CCSER1: variants seen among roughly 807,000 people sequenced by gnomAD.
CCSER1 encodes coiled-coil serine rich protein 1, also known as serine-rich coiled-coil domain-containing protein 1.
CCSER1 carries 41 observed loss-of-function variants against 82.0 expected under a neutral mutation model. That is an observed-to-expected ratio of 0.50 (90% CI 0.39 to 0.65). The LOEUF is 0.65. CCSER1 is among the 30% of genes least tolerant of loss of function. The pLI, the probability that CCSER1 is intolerant of heterozygous loss-of-function variation, is 0.00. For synonymous variants in CCSER1, 414 were observed against 383.9 expected, an observed-to-expected ratio of 1.08 and a Z score of -0.92; for missense variants, 1,119 against 1,064.2, an observed-to-expected ratio of 1.05 and a Z score of -0.72.
intron 10 of CCSER1, among the ~76,000 whole-genome samples, chr4:91,249,091 TC>T (rs992792187): frequency 2.0e-5 from 3 of 152,144 alleles, no homozygotes; most frequent in African/African-American, 7.2e-5. Flanking sequence ...ATCACATAAA[TC>T]AAGTAGAAAT....
At chr4:90,208,552 G>GA (rs920084770) in intron 1 of CCSER1, among the ~76,000 whole-genome samples, 2 of 151,542 alleles carry the variant, frequency 1.3e-5, no homozygotes, top group Non-Finnish European at 2.9e-5. Flanking sequence ...ACTGGGGTAT[G>GA]AAAAAAAACT....
intron 3 of CCSER1, among the ~76,000 whole-genome samples, chr4:90,320,266 T>G (rs1736899480): frequency 6.6e-6 from 1 of 152,206 alleles, no homozygotes; most frequent in Non-Finnish European, 1.5e-5. Context: ...TGATACATGT[T>G]TATATAGATG....
intron 8 of CCSER1, among the ~76,000 whole-genome samples, chr4:90,845,359 TAAAAAAAAAA>T (rs886923723): frequency 6.2e-5 from 6 of 96,586 alleles, no homozygotes; most frequent in Non-Finnish European, 1.2e-4. Context: ...AGACGCCATC[TAAAAAAAAAA>T]AAAAAAAAAA....
intron 10 of CCSER1, among the ~76,000 whole-genome samples, chr4:91,546,061 G>T (rs749696286): frequency 9.2e-5 from 14 of 151,366 alleles, no homozygotes; most frequent in Admixed American, 3.3e-4. Flanking sequence ...TTATTCTTTT[G>T]CCTGCTGGTA....
At chr4:90,200,372 A>G (rs926197563) in intron 1 of CCSER1, among the ~76,000 whole-genome samples, 1 of 152,212 alleles carries the variant, frequency 6.6e-6, no homozygotes, top group Non-Finnish European at 1.5e-5. Flanking sequence ...TTAATATTTT[A>G]ACCCAGAATA....
chr4:90,325,026 C>A (rs1398270779), intron 3 of CCSER1, among the ~76,000 whole-genome samples: 2 of 152,134 alleles, frequency 1.3e-5, no homozygotes, highest in Admixed American at 6.5e-5. Flanking sequence ...TTCCATTGAT[C>A]TATATCTCTG....
intron 5 of CCSER1, among the ~76,000 whole-genome samples, chr4:90,610,536 C>T (rs1785330737): frequency 6.6e-6 from 1 of 151,994 alleles, no homozygotes. Flanking sequence ...CTTTCTAAGG[C>T]TGACATCTGA....
chr4:90,907,852 T>A (rs912297517), intron 8 of CCSER1, among the ~76,000 whole-genome samples: 6 of 152,124 alleles, frequency 3.9e-5, no homozygotes, highest in Non-Finnish European at 8.8e-5. Context: ...TTATATATGA[T>A]ACAAATGCCA....
intron 10 of CCSER1, among the ~76,000 whole-genome samples, chr4:91,411,813 G>C (rs1753069409): frequency 6.6e-6 from 1 of 150,428 alleles, no homozygotes; most frequent in Non-Finnish European, 1.5e-5. Flanking sequence ...TTTGCCTCTG[G>C]TGTTATGCCT....
At chr4:91,278,396 C>A (rs963884267) in intron 10 of CCSER1, among the ~76,000 whole-genome samples, 3 of 152,038 alleles carry the variant, frequency 2.0e-5, no homozygotes, top group African/African-American at 4.8e-5. Context: ...AAATGTAATA[C>A]CCTCTCACTG....
At chr4:91,012,712 T>TTGCATACTTCCTCTTGCAA (rs1297740481) in intron 9 of CCSER1, among the ~76,000 whole-genome samples, 6 of 88,720 alleles carry the variant, frequency 6.8e-5, no homozygotes, top group South Asian at 3.5e-4. Context: ...AACTCTAAGA[T>TTGCATACTTCCTCTTGCAA]AATGTAGAAT....
At chr4:90,450,620 G>T (rs949911578) in intron 4 of CCSER1, among the ~76,000 whole-genome samples, 1 of 152,132 alleles carries the variant, frequency 6.6e-6, no homozygotes, top group Non-Finnish European at 1.5e-5. Context: ...AGGAAATTCC[G>T]TCAGTTCCCT....
At chr4:90,166,537 G>A (rs1730490227) in intron 1 of CCSER1, among the ~76,000 whole-genome samples, 1 of 151,886 alleles carries the variant, frequency 6.6e-6, no homozygotes, top group African/African-American at 2.4e-5. Context: ...AATTAATTAA[G>A]GGGAGAATAA....
intron 10 of CCSER1, among the ~76,000 whole-genome samples, chr4:91,439,982 A>G (rs1754998016): frequency 6.6e-6 from 1 of 152,046 alleles, no homozygotes; most frequent in African/African-American, 2.4e-5. Flanking sequence ...TGAGTGACCT[A>G]CAGAGAGACT....
chr4:90,567,755 C>T (rs1321400145), intron 5 of CCSER1, among the ~76,000 whole-genome samples: 1 of 151,904 alleles, frequency 6.6e-6, no homozygotes, highest in Non-Finnish European at 1.5e-5. Flanking sequence ...TGCAGGCACA[C>T]ACCACCATGT....
At chr4:90,179,294 A>G (rs1423345314) in intron 1 of CCSER1, among the ~76,000 whole-genome samples, 5 of 152,234 alleles carry the variant, frequency 3.3e-5, no homozygotes, top group African/African-American at 1.2e-4. Context: ...AGGATAGGAT[A>G]TGGAATACAT....
intron 3 of CCSER1, among the ~76,000 whole-genome samples, chr4:90,324,772 T>C (rs1737828780): frequency 3.9e-5 from 6 of 152,236 alleles, no homozygotes; most frequent in Admixed American, 3.9e-4. Context: ...TGGTAATGCC[T>C]AGGTTTTCTT....
chr4:90,411,542 A>G (rs180894848), intron 4 of CCSER1, among the ~76,000 whole-genome samples: 2 of 152,364 alleles, frequency 1.3e-5, no homozygotes, highest in East Asian at 3.9e-4. Flanking sequence ...ATCTCAATAG[A>G]TGCAGAAAAG....
At chr4:90,362,164 A>G (rs1377566684) in intron 3 of CCSER1, among the ~76,000 whole-genome samples, 1 of 152,178 alleles carries the variant, frequency 6.6e-6, no homozygotes, top group Non-Finnish European at 1.5e-5. Context: ...ACTCTCACAC[A>G]GGGATCTTGT....
Sources: allele counts gnomAD v4.1 joint callset (sites outside exome capture counted in the v4.1 genomes callset), GRCh38; gene constraint gnomAD v4.1.1; transcripts MANE v1.5; gene names NCBI Gene and HGNC (gene_info 2026-07-23, HGNC 2026-07-21).